SYT16: variants seen among roughly 807,000 people sequenced by gnomAD.
SYT16 encodes the protein synaptotagmin 16, also known as synaptotagmin-16.
Under a neutral mutation model 61.4 loss-of-function variants are expected in SYT16, and 42 were observed. That is an observed-to-expected ratio of 0.68 (90% CI 0.53 to 0.89). The LOEUF is 0.89. Ranked by LOEUF, SYT16 falls within the 40% of genes least tolerant of loss-of-function variation. SYT16 has a pLI of 0.00. For synonymous variants in SYT16, 314 were observed against 302.3 expected (o/e 1.04, Z -0.40); for missense variants, 804 against 807.3 (o/e 1.00, Z 0.05).
intron 1 of SYT16, among the ~76,000 whole-genome samples, chr14:61,895,344 G>A (rs2140346388): frequency 1.3e-5 from 2 of 152,120 alleles, no homozygotes; most frequent in East Asian, 3.9e-4. Context: ...AGTGACTTTG[G>A]GATGCCCACA....
intron 7 of SYT16, among the ~76,000 whole-genome samples, chr14:62,086,998 G>C (rs910035284): frequency 6.6e-6 from 1 of 152,212 alleles, no homozygotes; most frequent in Non-Finnish European, 1.5e-5. Flanking sequence ...GAAAGTAGAA[G>C]GTTCCTTTGT....
At chr14:61,842,013 A>T (rs1223446214) in intron 1 of SYT16, among the ~76,000 whole-genome samples, 1 of 152,000 alleles carries the variant, frequency 6.6e-6, no homozygotes, top group Non-Finnish European at 1.5e-5. Flanking sequence ...TATTTTTTTA[A>T]TCTGTCGCAG....
intron 3 of SYT16, 102 bp downstream of exon 3, chr14:61,996,644 C>G (rs1324155984): frequency 1.5e-6 from 2 of 1,370,638 alleles, no homozygotes; most frequent in African/African-American, 2.9e-5. Flanking sequence ...TTATTTTTCT[C>G]TCTCTTATAC....
chr14:62,056,822 G>A (rs546968114), intron 3 of SYT16, among the ~76,000 whole-genome samples: 2 of 152,304 alleles, frequency 1.3e-5, no homozygotes, highest in African/African-American at 2.4e-5. Flanking sequence ...ATGAAGACAC[G>A]GCGGAGTCCC....
intron 1 of SYT16, among the ~76,000 whole-genome samples, chr14:61,919,143 G>T (rs2140400250): frequency 6.6e-6 from 1 of 152,212 alleles, no homozygotes; most frequent in Admixed American, 6.5e-5. Flanking sequence ...TCCATTATTA[G>T]ACCTGATAAA....
intron 1 of SYT16, among the ~76,000 whole-genome samples, chr14:61,895,627 T>C (rs1383470593): frequency 6.6e-6 from 1 of 152,176 alleles, no homozygotes; most frequent in Non-Finnish European, 1.5e-5. Context: ...CTATTACTGC[T>C]ACCCCCACCA....
At chr14:62,027,154 T>G (rs2054132868) in intron 3 of SYT16, among the ~76,000 whole-genome samples, 1 of 152,192 alleles carries the variant, frequency 6.6e-6, no homozygotes, top group Non-Finnish European at 1.5e-5. Context: ...TAAAAATAGG[T>G]GGGAAAATGA....
chr14:62,044,103 G>A (rs1170499986), intron 3 of SYT16, among the ~76,000 whole-genome samples: 1 of 151,954 alleles, frequency 6.6e-6, no homozygotes, highest in Non-Finnish European at 1.5e-5. Flanking sequence ...TGGAGGCTGA[G>A]GAGGGAGGAT....
At chr14:61,954,488 C>A (rs1442368544) in intron 1 of SYT16, among the ~76,000 whole-genome samples, 7 of 152,068 alleles carry the variant, frequency 4.6e-5, no homozygotes, top group Admixed American at 3.3e-4. Context: ...ATACAGTTAA[C>A]TTTGAGGAAG....
At chr14:61,912,280 T>C (rs1442089998) in intron 1 of SYT16, among the ~76,000 whole-genome samples, 1 of 152,204 alleles carries the variant, frequency 6.6e-6, no homozygotes, top group Non-Finnish European at 1.5e-5. Flanking sequence ...TGGGCTTCTT[T>C]AAAAAATCAG....
intron 2 of SYT16, among the ~76,000 whole-genome samples, chr14:61,985,969 T>G (rs1172007618): frequency 1.3e-5 from 2 of 152,146 alleles, no homozygotes; most frequent in African/African-American, 4.8e-5. Context: ...AGATCCTGCT[T>G]TAGAATGTTA....
In SYT16 at chr14:62,052,510, A is replaced by G. The variant is rs549700270; in HGVS notation, c.524-17093A>G. Among the ~76,000 whole-genome samples the G allele has an allele frequency of 8.5e-5, 13 of 152,324 alleles. No homozygotes were observed. The South Asian group carries it at 1.2e-3, about 15-fold the overall frequency. On this transcript the variant is annotated intron_variant, in intron 3 of 7. Transcript: ENST00000683842. ...TCTTCCACATATGCATGCGATTACTATGTATACTTTGATTGTTTTCCATCC... is the reference window on the plus strand; with the variant it reads ...TCTTCCACATATGCATGCGATTACTGTGTATACTTTGATTGTTTTCCATCC...
intron 1 of SYT16, chr14:61,831,758 T>G (rs2045943219): frequency 5.8e-6 from 1 of 172,170 alleles, no homozygotes; most frequent in East Asian, 1.5e-4. Flanking sequence ...AACTGGTCAT[T>G]TATTAGCAGT....
intron 1 of SYT16, among the ~76,000 whole-genome samples, chr14:61,882,373 C>G (rs2047731757): frequency 6.6e-6 from 1 of 152,186 alleles, no homozygotes; most frequent in Non-Finnish European, 1.5e-5. Context: ...AAGACTTCTT[C>G]ACAGGGCAGC....
At chr14:62,047,859 C>T (rs933546996) in intron 3 of SYT16, among the ~76,000 whole-genome samples, 1 of 152,192 alleles carries the variant, frequency 6.6e-6, no homozygotes, top group Admixed American at 6.5e-5. Context: ...TTTTGATGTA[C>T]TACTGGATTC....
chr14:62,050,300 C>T (rs2055213506), intron 3 of SYT16, among the ~76,000 whole-genome samples: 4 of 152,148 alleles, frequency 2.6e-5, no homozygotes, highest in African/African-American at 4.8e-5. Flanking sequence ...ACATAGTTCT[C>T]GTGCCATGGT....
intron 3 of SYT16, among the ~76,000 whole-genome samples, chr14:62,030,545 C>T (rs889722068): frequency 3.3e-5 from 5 of 152,348 alleles, no homozygotes; most frequent in African/African-American, 1.2e-4. Flanking sequence ...TTGTGCTATA[C>T]ATTTTGTTTA....
At chr14:61,869,173 G>T (rs2047250187) in intron 1 of SYT16, among the ~76,000 whole-genome samples, 1 of 151,936 alleles carries the variant, frequency 6.6e-6, no homozygotes. Flanking sequence ...TTTACTTAAA[G>T]AGTATTTCCT....
At chr14:61,835,353 G>C (rs1277259685) in intron 1 of SYT16, among the ~76,000 whole-genome samples, 1 of 149,084 alleles carries the variant, frequency 6.7e-6, no homozygotes, top group Non-Finnish European at 1.5e-5. Flanking sequence ...CCTCCTTCTG[G>C]GTTCAAGTGA....
Sources: gnomAD v4.1 joint callset for allele counts (sites outside exome capture counted in the v4.1 genomes callset) on GRCh38, gnomAD v4.1.1 for gene constraint, MANE v1.5 for transcripts, NCBI Gene and HGNC (gene_info 2026-07-23, HGNC 2026-07-21) for gene names.